The following SH3TC2 variants were observed in gnomAD, a reference collection of about 807,000 sequenced individuals.
SH3TC2 encodes the protein SH3 domain and tetratricopeptide repeats 2.
Under a neutral mutation model 124.5 loss-of-function variants are expected in SH3TC2, and 87 were observed. That is an observed-to-expected ratio of 0.70 (90% CI 0.59 to 0.84). The LOEUF is 0.84. SH3TC2 is among the 40% of genes least tolerant of loss of function. SH3TC2 has a pLI of 0.00. For missense variants in SH3TC2, 1,536 were observed against 1,566.4 expected (o/e 0.98, Z 0.33); for synonymous variants, 634 against 628.5 (o/e 1.01, Z -0.13).
intron 1 of SH3TC2, among the ~76,000 whole-genome samples, chr5:149,053,869 A>G (rs569836592): frequency 6.6e-6 from 1 of 152,322 alleles, no homozygotes; most frequent in South Asian, 2.1e-4. Context: ...GATAAAGAGT[A>G]GAATGATGGT....
rs189591944 is a variant in SH3TC2, at chr5:149,047,875, C to T, written c.266G>A (p.Arg89His). The stretch of plus-strand genomic sequence containing the variant: ...CTTCATGCTCACCTTAAACAGCATG[C>T]GCACCTCCTGGTCCTCATTCTCCAG... ...WALENEDQEVRMLFKDLSARL... is the reference protein window; with the variant it reads ...WALENEDQEVHMLFKDLSARL... Residue 89 changes from arginine (R) to histidine (H), a missense_variant, in exon 3 of 17, where the codon CGC becomes CAC. Transcript: ENST00000515425. The T allele has an allele frequency of 7.4e-6, 12 of 1,613,980 alleles. No homozygotes were observed. Among genetic ancestry groups the T allele is most frequent in the South Asian group, 3.3e-5 (3 of 91,086 alleles).
chr5:149,034,180 A>G (rs1754245403), intron 8 of SH3TC2, among the ~76,000 whole-genome samples: 1 of 152,182 alleles, frequency 6.6e-6, no homozygotes, highest in East Asian at 1.9e-4. Context: ...ATAGCAAAAT[A>G]TAAATCGTAG....
In SH3TC2 at chr5:148,984,557, A is replaced by C. The variant is rs1198442078; in HGVS notation, c.*20154T>G. ...GTGAAAATTGAGCATTCCTTGACTA[A>C]GTCGAAACCCCTGACTCAGTCTTCT... On this transcript the variant is annotated 3_prime_UTR_variant, in exon 17 of 17. Coordinates refer to ENST00000515425, the MANE Select transcript of SH3TC2 (RefSeq NM_024577.4). 1.3e-5 allele frequency among the ~76,000 whole-genome samples: 2 copies of C among 152,126 alleles called. No individual in the cohort carries two copies. The highest frequency in any genetic ancestry group is 1.3e-4 in the Admixed American group (2 of 15,252).
chr5:149,019,713 A>T (rs1753935735), intron 12 of SH3TC2, among the ~76,000 whole-genome samples: 2 of 152,240 alleles, frequency 1.3e-5, no homozygotes. Context: ...GTGTTTATTT[A>T]GGAAAACGGC....
In SH3TC2 at chr5:149,000,821, C is replaced by T. The variant is rs1410010869; in HGVS notation, c.*3890G>A. 2.0e-5 allele frequency among the ~76,000 whole-genome samples: 3 copies of T among 152,154 alleles called. No individual in the cohort carries two copies. The highest frequency in any genetic ancestry group is 2.1e-4 in the South Asian group (1 of 4,816). ...TTACCCTTCTGTTCCTCAGTTTACT[C>T]ACCTGTAAAAAGAAGATAATATAAT... is the stretch of plus-strand genomic sequence containing the variant. On this transcript the variant is annotated 3_prime_UTR_variant, in exon 17 of 17. Coordinates refer to ENST00000515425, the MANE Select transcript of SH3TC2 (RefSeq NM_024577.4).
intron 8 of SH3TC2, among the ~76,000 whole-genome samples, chr5:149,037,410 C>G (rs1442653850): frequency 6.6e-6 from 1 of 152,148 alleles, no homozygotes; most frequent in Non-Finnish European, 1.5e-5. Context: ...AAAAAAATAA[C>G]CTTCTGTCTC....
chr5:149,010,176 G>C, intron 14 of SH3TC2, 94 bp downstream of exon 14: 1 of 1,541,252 alleles, frequency 6.5e-7, no homozygotes. Context: ...ATACAAGCAA[G>C]AGAGGAGAAG....
chr5:149,009,086 G>T (rs763898921), intron 14 of SH3TC2, 85 bp from the exon 15 acceptor site: 75 of 1,574,098 alleles, frequency 4.8e-5, no homozygotes, highest in Non-Finnish European at 6.3e-5. Context: ...TCTACAGGCA[G>T]GGGTTGGGGA....
chr5:149,059,467 C>T (rs955267560), intron 1 of SH3TC2, among the ~76,000 whole-genome samples: 7 of 151,992 alleles, frequency 4.6e-5, no homozygotes, highest in African/African-American at 1.7e-4. Context: ...AAACAGTAAA[C>T]ATTTATCTGC....
intron 8 of SH3TC2, among the ~76,000 whole-genome samples, chr5:149,037,386 C>A (rs1754299866): frequency 6.8e-6 from 1 of 146,118 alleles, no homozygotes; most frequent in Non-Finnish European, 1.5e-5. Flanking sequence ...TGGACTCCCA[C>A]ATTTCTACAT....
chr5:149,059,308 G>A (rs887140992), intron 1 of SH3TC2, among the ~76,000 whole-genome samples: 1 of 151,966 alleles, frequency 6.6e-6, no homozygotes, highest in African/African-American at 2.4e-5. Flanking sequence ...ACATTAACCT[G>A]ACCTCAGAAC....
Position 148,986,443 on chromosome 5 carries a change from C to T in SH3TC2, c.*18268G>A, listed in dbSNP as rs558102068. Among the ~76,000 whole-genome samples the T allele has an allele frequency of 6.6e-6, 1 of 152,188 alleles. No homozygotes were observed. The highest frequency in any genetic ancestry group is 2.4e-5 in the African/African-American group (1 of 41,440). On this transcript the variant is annotated 3_prime_UTR_variant, in exon 17 of 17. Transcript: ENST00000515425. The stretch of plus-strand genomic sequence containing the variant: ...CCTGGAAAGCCAAGGTAACCCCACT[C>T]ACTCCCTATTACATCTCCTTGTCTT...
rs781413719 is a variant in SH3TC2 at position 149,028,576 on chromosome 5, A to G, written c.1178-22T>C. ...GATGCTGTAAGGACAGGCAAAGTTG[A>G]GCAACCTTGGGCACCTGCACCTAAG... is the stretch of plus-strand genomic sequence containing the variant. On this transcript the variant is annotated intron_variant, in intron 10 of 16. Transcript: ENST00000515425. 5 of 1,614,192 alleles carry G rather than the reference A, an allele frequency of 3.1e-6. No homozygotes were observed. In the South Asian group the frequency reaches 5.5e-5, roughly 18 times the overall value.
rs1247581105 is a variant in SH3TC2, at chr5:148,985,905, A to G, written c.*18806T>C. ...CACTATCATATCTCCATTAGGGCTC[A>G]AAAGACTTCATGTCTGTGCTGGGAG... On this transcript the variant is annotated 3_prime_UTR_variant, in exon 17 of 17. Coordinates refer to ENST00000515425, the MANE Select transcript of SH3TC2 (RefSeq NM_024577.4). Among the ~76,000 whole-genome samples the G allele has an allele frequency of 6.6e-6, 1 of 152,222 alleles. No homozygotes were observed. The highest frequency in any genetic ancestry group is 1.5e-5 in the Non-Finnish European group (1 of 68,030).
Position 149,004,851 on chromosome 5 carries a change from G to C in SH3TC2, c.3727C>G (p.Leu1243Val), listed in dbSNP as rs1753658909. Residue 1243 changes from leucine (L) to valine (V), a missense_variant, in exon 17 of 17, where the codon CTG becomes GTG. Coordinates refer to ENST00000515425, the MANE Select transcript of SH3TC2 (RefSeq NM_024577.4). ...YFLLALAAAVLLGDEELQDTI... is the reference protein window; with the variant it reads ...YFLLALAAAVVLGDEELQDTI... ...TCCTGAAGCTCCTCATCACCCAGCA[G>C]GACCGCTGCTGCCAGGGCCAGAAGG... The C allele has an allele frequency of 6.2e-7, 1 of 1,614,054 alleles. No homozygotes were observed. The highest frequency in any genetic ancestry group is 8.5e-7 in the Non-Finnish European group (1 of 1,180,026).
At chr5:149,035,182 A>G (rs1049227100) in intron 8 of SH3TC2, among the ~76,000 whole-genome samples, 21 of 152,232 alleles carry the variant, frequency 1.4e-4, no homozygotes, top group African/African-American at 4.8e-4. Flanking sequence ...TTGAATTATA[A>G]AGACACAGGC....
rs1412556088 is a variant in SH3TC2, at chr5:148,994,829, C to T, written c.*9882G>A. Among the ~76,000 whole-genome samples the T allele has an allele frequency of 6.6e-6, 1 of 152,068 alleles. No homozygotes were observed. The highest frequency in any genetic ancestry group is 1.5e-5 in the Non-Finnish European group (1 of 68,006). On this transcript the variant is annotated 3_prime_UTR_variant, in exon 17 of 17. Transcript: ENST00000515425. The stretch of plus-strand genomic sequence containing the variant: ...TAAACTCAGACTTTTCTTCCTAGTC[C>T]TTTGCATATATGCATCCAATCTCCC...
In SH3TC2 at chr5:148,990,564, C is replaced by T. The variant is rs1304284460; in HGVS notation, c.*14147G>A. Among the ~76,000 whole-genome samples, 2 of 152,204 alleles carry T rather than the reference C, an allele frequency of 1.3e-5. No individual in the cohort carries two copies. Among genetic ancestry groups the T allele is most frequent in the South Asian group, 2.1e-4 (1 of 4,832 alleles). ...CAATTGAATGCAAATTCTGCCCCTG[C>T]TACTCACAAGCTATTGGACCTCAAA... On this transcript the variant is annotated 3_prime_UTR_variant, in exon 17 of 17. Coordinates refer to ENST00000515425, the MANE Select transcript of SH3TC2 (RefSeq NM_024577.4).
chr5:149,009,668 T>C (rs186847428), intron 14 of SH3TC2, among the ~76,000 whole-genome samples: 78 of 152,340 alleles, frequency 5.1e-4, no homozygotes, highest in Admixed American at 1.6e-3. Flanking sequence ...TAAACTTCAG[T>C]TGGTGATGAA....
Sources: gnomAD v4.1 joint callset for allele counts (sites outside exome capture counted in the v4.1 genomes callset) on GRCh38, gnomAD v4.1.1 for gene constraint, MANE v1.5 for transcripts, NCBI Gene and HGNC (gene_info 2026-07-23, HGNC 2026-07-21) for gene names.